Variants in WASF2 observed in about 807,000 individuals in gnomAD.
WASF2 encodes the protein WASP family member 2.
In WASF2, 14 loss-of-function variants were observed where a neutral mutation model predicts 45.0. The observed-to-expected ratio is 0.31, with a 90% CI of 0.21 to 0.49. WASF2 has a LOEUF of 0.49. Among genes scored for constraint, WASF2 ranks in the 20% least tolerant of loss-of-function variants. WASF2 has a pLI of 0.99. For synonymous variants in WASF2, 200 were observed against 236.3 expected, an observed-to-expected ratio of 0.85 and a Z score of 1.41; for missense variants, 439 against 636.1, an observed-to-expected ratio of 0.69 and a Z score of 3.33.
At chr1:27,417,866 G>A (rs2016847680) in intron 4 of WASF2, among the ~76,000 whole-genome samples, 1 of 151,842 alleles carries the variant, frequency 6.6e-6, no homozygotes, top group African/African-American at 2.4e-5. Context: ...GTAATCTAGT[G>A]GTTTCCAAGT....
chr1:27,448,016 G>A lies in WASF2; in HGVS notation c.-43-19083C>T, dbSNP rs1278013551. Among the ~76,000 whole-genome samples, 5 of 152,332 alleles carry A rather than the reference G, an allele frequency of 3.3e-5. No individual in the cohort carries two copies. In the South Asian group the frequency reaches 6.2e-4, roughly 19 times the overall value. On this transcript the variant is annotated intron_variant, in intron 1 of 8. Transcript: ENST00000618852. ...GATCAGAATACTATTTGGTGAACCT[G>A]TTCTGCACCTGTGGAAGTAAAAGAA... is the stretch of plus-strand genomic sequence containing the variant.
intron 1 of WASF2, among the ~76,000 whole-genome samples, chr1:27,453,739 A>G (rs1425375493): frequency 6.6e-6 from 1 of 152,082 alleles, no homozygotes; most frequent in Non-Finnish European, 1.5e-5. Flanking sequence ...AAAAATACAA[A>G]AACTAGCCAG....
At chr1:27,472,217 T>C (rs1252461628) in intron 1 of WASF2, among the ~76,000 whole-genome samples, 1 of 149,334 alleles carries the variant, frequency 6.7e-6, no homozygotes, top group Non-Finnish European at 1.5e-5. Flanking sequence ...TGTAATCCCA[T>C]CTACTCGAGA....
chr1:27,481,069 T>C (rs932043733), intron 1 of WASF2, among the ~76,000 whole-genome samples: 5 of 132,026 alleles, frequency 3.8e-5, no homozygotes, highest in African/African-American at 1.5e-4. Context: ...AAAAAAAGAA[T>C]GCATGTGTGG....
At chr1:27,454,052 ATT>A (rs2017422631) in intron 1 of WASF2, among the ~76,000 whole-genome samples, 1 of 149,990 alleles carries the variant, frequency 6.7e-6, no homozygotes, top group African/African-American at 2.5e-5. Flanking sequence ...TAAATGTTAT[ATT>A]GTTTAGTGTC....
chr1:27,483,959 CAAATA>C (rs2017889131), intron 1 of WASF2, among the ~76,000 whole-genome samples: 1 of 152,002 alleles, frequency 6.6e-6, no homozygotes, highest in Non-Finnish European at 1.5e-5. Context: ...GACCCTGTCT[CAAATA>C]ATAACAATAA....
intron 1 of WASF2, among the ~76,000 whole-genome samples, chr1:27,434,779 C>T (rs760618357): frequency 5.3e-5 from 8 of 152,180 alleles, no homozygotes; most frequent in Non-Finnish European, 1.2e-4. Context: ...GAGAATGAGT[C>T]TGAAAACAAA....
At chr1:27,421,505 C>G (rs1469625717) in intron 2 of WASF2, among the ~76,000 whole-genome samples, 1 of 152,118 alleles carries the variant, frequency 6.6e-6, no homozygotes, top group Non-Finnish European at 1.5e-5. Context: ...TGGCAAAACC[C>G]TGCCTCTAAT....
chr1:27,487,630 ATATATAATATATAT>A lies in WASF2; in HGVS notation c.-44+2342_-44+2355del, dbSNP rs1404318892. On this transcript the variant is annotated intron_variant, in intron 1 of 8. Transcript: ENST00000618852. Reference sequence around the variant, plus strand: ...ATATATATTATATATATTTTATACAATATATAATATATATTATATATTATATAATATATATTATA... The same window carrying A: ...ATATATATTATATATATTTTATACAATATATATTATATAATATATATTATA... Among the ~76,000 whole-genome samples the A allele has an allele frequency of 1.2e-3, 110 of 89,496 alleles. 1 individual carries two copies. The highest frequency in any genetic ancestry group is 1.4e-3 in the Non-Finnish European group (73 of 51,528). 58.7% of individuals were successfully genotyped at this position (89,496 alleles called of 152,430 possible).
chr1:27,421,203 G>A (rs1411770347), intron 2 of WASF2, among the ~76,000 whole-genome samples: 1 of 152,200 alleles, frequency 6.6e-6, no homozygotes, highest in African/African-American at 2.4e-5. Context: ...TGGCTGACAA[G>A]CATTTCTACT....
chr1:27,430,141 C>T (rs1042934395), intron 1 of WASF2, among the ~76,000 whole-genome samples: 4 of 152,148 alleles, frequency 2.6e-5, no homozygotes, highest in Non-Finnish European at 5.9e-5. Flanking sequence ...TTTAGATTAC[C>T]GAATTCCTAG....
chr1:27,473,993 G>A (rs150779691), intron 1 of WASF2, among the ~76,000 whole-genome samples: 94 of 152,260 alleles, frequency 6.2e-4, no homozygotes, highest in African/African-American at 2.1e-3. Context: ...TGATGCGGGA[G>A]GAAACCAGAG....
chr1:27,464,521 T>C (rs1374040738), intron 1 of WASF2, among the ~76,000 whole-genome samples: 2 of 152,146 alleles, frequency 1.3e-5, no homozygotes, highest in South Asian at 2.1e-4. Context: ...TACCTAATTA[T>C]AGACAAATAA....
In WASF2 at chr1:27,435,397, C is replaced by G. The variant is rs986331451; in HGVS notation, c.-43-6464G>C. ...CTCAGGAGTTCAAGACCAGCTTGGG[C>G]AAAAAAGCCAGACCCTGTCTCTGCA... On this transcript the variant is annotated intron_variant, in intron 1 of 8. Coordinates refer to ENST00000618852, the MANE Select transcript of WASF2 (RefSeq NM_006990.5). 4.6e-5 allele frequency among the ~76,000 whole-genome samples: 7 copies of G among 151,842 alleles called. No homozygotes were observed. In the East Asian group the frequency reaches 1.4e-3, roughly 29 times the overall value.
chr1:27,415,596 T>C (rs1375010870), intron 5 of WASF2, among the ~76,000 whole-genome samples: 1 of 152,048 alleles, frequency 6.6e-6, no homozygotes, highest in Non-Finnish European at 1.5e-5. Flanking sequence ...ACTGCTCCTG[T>C]TGCAAATCAA....
chr1:27,429,029 C>G lies in WASF2; in HGVS notation c.-43-96G>C, dbSNP rs574307653. 4.5e-4 allele frequency: 486 copies of G among 1,089,194 alleles called. 6 individuals carry two copies. The South Asian group carries it at 7.9e-3, about 18-fold the overall frequency. The allele number at this position is 1,089,194 out of a possible 1,614,324, so 67.5% of individuals were successfully genotyped here. On this transcript the variant is annotated intron_variant, in intron 1 of 8. Coordinates refer to ENST00000618852, the MANE Select transcript of WASF2 (RefSeq NM_006990.5). Reference sequence around the variant, plus strand: ...TTTTTTTTTTTTTTTTGGTCTTACCCTGATCTAAAACAGCTTTAAAAAAAA... The same window carrying G: ...TTTTTTTTTTTTTTTTGGTCTTACCGTGATCTAAAACAGCTTTAAAAAAAA...
chr1:27,437,638 A>C (rs2017154728), intron 1 of WASF2, among the ~76,000 whole-genome samples: 2 of 152,208 alleles, frequency 1.3e-5, no homozygotes, highest in Non-Finnish European at 2.9e-5. Flanking sequence ...ATCTAATGCC[A>C]ATTTCTAGTA....
intron 1 of WASF2, among the ~76,000 whole-genome samples, chr1:27,436,139 T>C (rs990073000): frequency 2.6e-5 from 4 of 152,238 alleles, no homozygotes; most frequent in Admixed American, 1.3e-4. Context: ...TTTCAAGAGA[T>C]ACATTTCTTT....
At chr1:27,453,655 G>A (rs549461827) in intron 1 of WASF2, among the ~76,000 whole-genome samples, 1 of 151,310 alleles carries the variant, frequency 6.6e-6, no homozygotes, top group South Asian at 2.1e-4. Flanking sequence ...CACTTTGGGA[G>A]GCCAAGGCAG....
Sources: allele counts gnomAD v4.1 joint callset (sites outside exome capture counted in the v4.1 genomes callset), GRCh38; gene constraint gnomAD v4.1.1; transcripts MANE v1.5; gene names NCBI Gene and HGNC (gene_info 2026-07-23, HGNC 2026-07-21).